The following CCSER1 variants were observed in gnomAD, a reference collection of about 807,000 sequenced individuals.
The protein encoded by CCSER1 is coiled-coil serine rich protein 1, also known as serine-rich coiled-coil domain-containing protein 1.
A neutral mutation model predicts 82.0 loss-of-function variants in CCSER1; 41 were observed. That is an observed-to-expected ratio of 0.50 (90% confidence interval 0.39 to 0.65). The LOEUF (loss-of-function observed/expected upper bound fraction) is 0.65, where lower values mean the gene tolerates loss of function less well. Ranked by LOEUF, CCSER1 falls within the 30% of genes least tolerant of loss-of-function variation. The probability of loss-of-function intolerance (pLI) is 0.00; values close to 1 mark genes in which losing one functional copy is unlikely to be tolerated. For missense variants in CCSER1, 1,119 were observed against 1,064.2 expected, an observed-to-expected ratio of 1.05 and a Z score of -0.72; for synonymous variants, 414 against 383.9, an observed-to-expected ratio of 1.08 and a Z score of -0.92.
chr4:91,194,779 G>A (rs1428861990), intron 10 of CCSER1, among the ~76,000 whole-genome samples: 1 of 152,144 alleles, frequency 6.6e-6, no homozygotes, highest in Non-Finnish European at 1.5e-5. Context: ...ATATTATGAG[G>A]TTTCATGATA....
chr4:90,518,185 T>A (rs1450933927), intron 5 of CCSER1, among the ~76,000 whole-genome samples: 4 of 152,106 alleles, frequency 2.6e-5, no homozygotes, highest in Admixed American at 2.6e-4. Flanking sequence ...TTAAAATAAA[T>A]TTTTCCACAG....
chr4:91,412,956 A>C (rs6851704), intron 10 of CCSER1, among the ~76,000 whole-genome samples: 17 of 4,222 alleles, frequency 4.0e-3, no homozygotes, highest in African/African-American at 7.4e-3. Flanking sequence ...AGGAAACAAA[A>C]AAAAAACAGA....
At chr4:91,558,549 C>T (rs1397354258) in intron 10 of CCSER1, among the ~76,000 whole-genome samples, 1 of 151,526 alleles carries the variant, frequency 6.6e-6, no homozygotes, top group African/African-American at 2.4e-5. Flanking sequence ...TTTCACACTA[C>T]TGATAAAGGC....
chr4:90,340,128 G>A (rs1386179111), intron 3 of CCSER1, among the ~76,000 whole-genome samples: 1 of 151,996 alleles, frequency 6.6e-6, no homozygotes, highest in East Asian at 1.9e-4. Flanking sequence ...ATGGTTTTCT[G>A]CCGTTGGAAT....
At chr4:90,508,919 T>G (rs1325314322) in intron 5 of CCSER1, among the ~76,000 whole-genome samples, 1 of 152,110 alleles carries the variant, frequency 6.6e-6, no homozygotes, top group East Asian at 1.9e-4. Context: ...TGACATTTGC[T>G]AAACAACCTT....
At position 91,599,923 on chromosome 4, in the gene CCSER1, C is replaced by G. The variant is rs781433349; in HGVS notation, c.*866C>G. 6.6e-6 allele frequency: 1 copy of G among 152,084 alleles called. No homozygotes were observed. Among genetic ancestry groups the G allele is most frequent in the Non-Finnish European group, 1.5e-5 (1 of 67,992 alleles). The allele number at this position is 152,084 out of a possible 1,614,324, so 9.4% of individuals were successfully genotyped here. On this transcript the variant is annotated 3_prime_UTR_variant, in exon 11 of 11. Coordinates refer to ENST00000509176, the MANE Select transcript of CCSER1 (RefSeq NM_001145065.2). The stretch of plus-strand genomic sequence containing the variant: ...TTCAAAATTTCAAGGATGAAACATC[C>G]TAAGAAAATTATTCTTTTTCTTTAC...
At chr4:90,540,128 T>A (rs139511760) in intron 5 of CCSER1, among the ~76,000 whole-genome samples, 22 of 152,192 alleles carry the variant, frequency 1.4e-4, no homozygotes, top group Non-Finnish European at 2.9e-4. Context: ...GGACTAAGCT[T>A]CTTTGGTAGC....
chr4:90,937,121 G>A (rs1436280261), intron 9 of CCSER1, among the ~76,000 whole-genome samples: 1 of 152,050 alleles, frequency 6.6e-6, no homozygotes, highest in Non-Finnish European at 1.5e-5. Context: ...ATTTCACACC[G>A]TATTAAGGGC....
At chr4:90,205,839 G>C (rs1738705742) in intron 1 of CCSER1, among the ~76,000 whole-genome samples, 1 of 151,958 alleles carries the variant, frequency 6.6e-6, no homozygotes, top group South Asian at 2.1e-4. Context: ...GGCTTTTTTT[G>C]GTTGGTAGGC....
intron 6 of CCSER1, among the ~76,000 whole-genome samples, chr4:90,635,323 A>T (rs950723322): frequency 6.6e-6 from 1 of 151,708 alleles, no homozygotes; most frequent in South Asian, 2.1e-4. Flanking sequence ...TCACACAATA[A>T]GTCCCATTAA....
intron 6 of CCSER1, among the ~76,000 whole-genome samples, chr4:90,661,836 A>G (rs1730847204): frequency 6.6e-6 from 1 of 152,122 alleles, no homozygotes; most frequent in African/African-American, 2.4e-5. Context: ...CAATTCCACA[A>G]GTATCAGAAA....
chr4:91,355,682 C>T (rs537149683), intron 10 of CCSER1, among the ~76,000 whole-genome samples: 4 of 152,182 alleles, frequency 2.6e-5, no homozygotes, highest in Admixed American at 6.5e-5. Flanking sequence ...TCTGATGCAT[C>T]GGCCATGCGT....
At chr4:91,447,935 A>G (rs1486017845) in intron 10 of CCSER1, among the ~76,000 whole-genome samples, 1 of 152,084 alleles carries the variant, frequency 6.6e-6, no homozygotes, top group Non-Finnish European at 1.5e-5. Flanking sequence ...AGTGGTGCTT[A>G]TTAAGTGTAT....
chr4:90,230,274 T>C (rs1210405014), intron 1 of CCSER1, among the ~76,000 whole-genome samples: 2 of 152,136 alleles, frequency 1.3e-5, no homozygotes, highest in African/African-American at 4.8e-5. Flanking sequence ...AAACTGTCTC[T>C]CAGACCACAG....
At chr4:91,277,873 G>C (rs1032476670) in intron 10 of CCSER1, among the ~76,000 whole-genome samples, 16 of 151,706 alleles carry the variant, frequency 1.1e-4, no homozygotes, top group African/African-American at 3.6e-4. Flanking sequence ...GTTTTGATAT[G>C]TTGTGTCTCA....
At chr4:91,131,590 GA>G (rs1282410075) in intron 10 of CCSER1, among the ~76,000 whole-genome samples, 1 of 151,828 alleles carries the variant, frequency 6.6e-6, no homozygotes, top group African/African-American at 2.4e-5. Flanking sequence ...TTCATTAAAA[GA>G]AAAAATCTAT....
At chr4:91,453,351 C>G (rs1755971696) in intron 10 of CCSER1, among the ~76,000 whole-genome samples, 1 of 151,876 alleles carries the variant, frequency 6.6e-6, no homozygotes, top group African/African-American at 2.4e-5. Context: ...TGTTTTGCCC[C>G]ATTGTATTTT....
At chr4:90,900,094 G>GTTTTTTTTTTTTTTTTTTTTTTTT (rs70963096) in intron 8 of CCSER1, among the ~76,000 whole-genome samples, 5 of 102,156 alleles carry the variant, frequency 4.9e-5, no homozygotes, top group African/African-American at 1.0e-4. Flanking sequence ...TGGTCCCAGA[G>GTTTTTTTTTTTTTTTTTTTTTTTT]TTTTTTTTTT....
intron 8 of CCSER1, among the ~76,000 whole-genome samples, chr4:90,916,874 A>G (rs1727525678): frequency 6.6e-6 from 1 of 150,590 alleles, no homozygotes; most frequent in Non-Finnish European, 1.5e-5. Flanking sequence ...GACACTTCTC[A>G]AAAGAAGACG....
Sources: gnomAD v4.1 joint callset for allele counts (sites outside exome capture counted in the v4.1 genomes callset) on GRCh38, gnomAD v4.1.1 for gene constraint, MANE v1.5 for transcripts, NCBI Gene and HGNC (gene_info 2026-07-23, HGNC 2026-07-21) for gene names.